The following UNK variants were observed in gnomAD, a reference collection of about 807,000 sequenced individuals.
UNK encodes the protein RING finger protein unkempt homolog.
UNK carries 32 observed loss-of-function variants against 97.6 expected under a neutral mutation model. The observed-to-expected ratio is 0.33, with a 90% CI of 0.25 to 0.44. The LOEUF is 0.44. Among genes scored for constraint, UNK ranks in the 20% least tolerant of loss-of-function variants. The pLI, the probability that UNK is intolerant of heterozygous loss-of-function variation, is 1.00. For missense variants in UNK, 771 were observed against 1,098.4 expected (o/e 0.70, Z 4.21); for synonymous variants, 441 against 461.2 (o/e 0.96, Z 0.56).
intron 1 of UNK, chr17:75,792,323 T>C: frequency 3.0e-6 from 3 of 985,434 alleles, no homozygotes; most frequent in Non-Finnish European, 3.6e-6. Flanking sequence ...CTATGGTTGA[T>C]ACTAAAGGAG....
chr17:75,801,777 T>TCA (rs2061861143), intron 1 of UNK, among the ~76,000 whole-genome samples: 1 of 151,716 alleles, frequency 6.6e-6, no homozygotes, highest in Admixed American at 6.6e-5. Context: ...ACTACTGACC[T>TCA]TGTGATCCAC....
At position 75,812,117 on chromosome 17, in the gene UNK, C is replaced by T; in HGVS notation, c.320C>T (p.Pro107Leu). Residue 107 changes from proline (P) to leucine (L), a missense_variant, in exon 3 of 16, where the codon CCA (proline) becomes CTA (leucine). By Grantham distance (98) the Pro-to-Leu change is moderately conservative. Transcript: ENST00000589666. ...CCCCCACTACCGTGTTCCAGGTGCC[C>T]ATTCCTGCACAGAACCACAGGGGAC... ...TGLCPEGDEC[P>L]FLHRTTGDTE... 1 of 1,597,344 alleles carries T rather than the reference C, an allele frequency of 6.3e-7. No individual in the cohort carries two copies. The highest frequency in any genetic ancestry group is 8.6e-7 in the Non-Finnish European group (1 of 1,169,248).
chr17:75,798,026 T>G (rs2143705518), intron 1 of UNK, among the ~76,000 whole-genome samples: 1 of 151,960 alleles, frequency 6.6e-6, no homozygotes. Context: ...GGGTGGACAT[T>G]CATGCAGACA....
rs138337015 is a variant in UNK at position 75,791,812 on chromosome 17, A to G, written c.104+6828A>G. On this transcript the variant is annotated intron_variant, in intron 1 of 15. Transcript: ENST00000589666. ...CCACAACCCATATGCATCTGCTTTG[A>G]CTGGTGGTTTCTATCATCCTACAAA... is the stretch of plus-strand genomic sequence containing the variant. 2.3e-5 allele frequency: 23 copies of G among 985,362 alleles called. No homozygotes were observed. In the East Asian group the frequency reaches 2.5e-3, roughly 107 times the overall value. The allele number at this position is 985,362 out of a possible 1,614,324, so 61.0% of individuals were successfully genotyped here. A position where few individuals can be genotyped will look rare whatever the true frequency, so the allele number is the denominator to read the frequency against.
At chr17:75,813,967 T>A (rs2143790365) in intron 6 of UNK, 89 bp downstream of exon 6, 1 of 1,188,158 alleles carries the variant, frequency 8.4e-7, no homozygotes, top group Non-Finnish European at 1.2e-6. Context: ...GAACCCATCC[T>A]GATGCCATCC....
Position 75,815,046 on chromosome 17 carries a change from G to A in UNK, c.877-123G>A, listed in dbSNP as rs534237979. 1.5e-5 allele frequency: 12 copies of A among 787,310 alleles called. No homozygotes were observed. The South Asian group carries it at 1.7e-4, about 11-fold the overall frequency. 48.8% of individuals were successfully genotyped at this position (787,310 alleles called of 1,614,324 possible). A position where few individuals can be genotyped will look rare whatever the true frequency, so the allele number is the denominator to read the frequency against. On this transcript the variant is annotated intron_variant, in intron 6 of 15. Coordinates refer to ENST00000589666, the MANE Select transcript of UNK (RefSeq NM_001080419.3). The stretch of plus-strand genomic sequence containing the variant: ...GTAGGGAGAGACATAGTGGAGGGGA[G>A]GGGAGGGGCCGGGAACACAGGGCAA...
rs2062018551 is a variant in UNK at position 75,816,673 on chromosome 17, A to C, written c.962-97A>C. On this transcript the variant is annotated intron_variant, in intron 7 of 15. Transcript: ENST00000589666. The surrounding 1 kb of genome is among the most constrained non-coding windows in gnomAD (Gnocchi z 4.0). ...TCGTAGGAACCTTCCCTTTATGTGCAGGGGGATTTGTGGTCTCCTTTGGAA... is the reference window on the plus strand; with the variant it reads ...TCGTAGGAACCTTCCCTTTATGTGCCGGGGGATTTGTGGTCTCCTTTGGAA... 7.1e-7 allele frequency: 1 copy of C among 1,418,282 alleles called. No homozygotes were observed. The highest frequency in any genetic ancestry group is 9.3e-7 in the Non-Finnish European group (1 of 1,071,374). The allele number at this position is 1,418,282 out of a possible 1,614,324, so 87.9% of individuals were successfully genotyped here.
intron 1 of UNK, among the ~76,000 whole-genome samples, chr17:75,788,465 ACTGTTCCCGTCTGC>A (rs1205130978): frequency 6.6e-6 from 1 of 152,104 alleles, no homozygotes; most frequent in Non-Finnish European, 1.5e-5. Context: ...GGCGTGAGCC[ACTGTTCCCGTCTGC>A]CTGTCAAATT....
rs113271972 is a variant in UNK at position 75,787,841 on chromosome 17, G to A, written c.104+2857G>A. On this transcript the variant is annotated intron_variant, in intron 1 of 15. Coordinates refer to ENST00000589666, the MANE Select transcript of UNK (RefSeq NM_001080419.3). ...CTCGGTCCAAAAAAAAAAAAAAAGA[G>A]AGACGTGATCTCTCTGTGTTAACCA... is the stretch of plus-strand genomic sequence containing the variant. 8.4e-3 allele frequency among the ~76,000 whole-genome samples: 1,265 copies of A among 150,466 alleles called. 15 individuals carry two copies. Among genetic ancestry groups the A allele is most frequent in the Middle Eastern group, 0.031 (9 of 290 alleles).
At chr17:75,815,059 GAACA>G in intron 6 of UNK, 106 bp from the exon 7 acceptor site, 1 of 949,090 alleles carries the variant, frequency 1.1e-6, no homozygotes, top group Non-Finnish European at 1.6e-6. Flanking sequence ...GAGGGGCCGG[GAACA>G]CAGGGCAAGA....
At position 75,817,618 on chromosome 17, in the gene UNK, G is replaced by C; in HGVS notation, c.1305+92G>C. 1.5e-6 allele frequency: 2 copies of C among 1,348,200 alleles called. No homozygotes were observed. The highest frequency in any genetic ancestry group is 5.3e-4 in the Middle Eastern group (2 of 3,786). The allele number at this position is 1,348,200 out of a possible 1,614,324, so 83.5% of individuals were successfully genotyped here. On this transcript the variant is annotated intron_variant, in intron 9 of 15. Transcript: ENST00000589666. This position sits in a 1 kb window ranked among gnomAD's most constrained non-coding sequence, Gnocchi z 5.8. ...AGTGTCTTGGTCCAGCTACGGGGAGGATGACTGGGAGCTAGGACTCCACTG... is the reference window on the plus strand; with the variant it reads ...AGTGTCTTGGTCCAGCTACGGGGAGCATGACTGGGAGCTAGGACTCCACTG...
rs778721464 is a variant in UNK at position 75,819,921 on chromosome 17, C to T, written c.1650C>T (p.Gly550=). The change falls in exon 13 of 16, where the codon GGC becomes GGT. Residue 550 remains glycine, a splice_region_variant and synonymous_variant. Coordinates refer to ENST00000589666, the MANE Select transcript of UNK (RefSeq NM_001080419.3). The surrounding 1 kb of genome is among the most constrained non-coding windows in gnomAD (Gnocchi z 5.4). The part of the protein sequence containing the change: ...TVPHPGSITI[G]GSLLQSSAPV... ...GTCCTCCCCGGGCCTCTCTTGCAGGCGGCAGCTTGCTGCAGAGCTCTGCAC... is the reference window on the plus strand; with the variant it reads ...GTCCTCCCCGGGCCTCTCTTGCAGGTGGCAGCTTGCTGCAGAGCTCTGCAC... The T allele has an allele frequency of 2.8e-5, 45 of 1,607,012 alleles. No homozygotes were observed. Among genetic ancestry groups the T allele is most frequent in the South Asian group, 2.3e-4 (21 of 90,436 alleles).
rs2143812388 is a variant in UNK, at chr17:75,818,540, A to G, written c.1372-102A>G. 2 of 1,341,050 alleles carry G rather than the reference A, an allele frequency of 1.5e-6. No homozygotes were observed. Among genetic ancestry groups the G allele is most frequent in the Non-Finnish European group, 2.0e-6 (2 of 994,074 alleles). 83.1% of individuals were successfully genotyped at this position (1,341,050 alleles called of 1,614,324 possible). Reference sequence around the variant, plus strand: ...GCATGGGGGCACCCGGACTAGAGCTAGCACGGGCCATTTCCCTTGCCCCCA... The same window carrying G: ...GCATGGGGGCACCCGGACTAGAGCTGGCACGGGCCATTTCCCTTGCCCCCA... On this transcript the variant is annotated intron_variant, in intron 10 of 15. Coordinates refer to ENST00000589666, the MANE Select transcript of UNK (RefSeq NM_001080419.3). The surrounding 1 kb of genome is among the most constrained non-coding windows in gnomAD (Gnocchi z 5.1).
chr17:75,794,408 G>T (rs1008650659), intron 1 of UNK, among the ~76,000 whole-genome samples: 2 of 152,042 alleles, frequency 1.3e-5, no homozygotes, highest in Non-Finnish European at 2.9e-5. Context: ...AGGCTGAGGC[G>T]GGTGGATTGC....
chr17:75,795,321 T>TTTG (rs542714810), intron 1 of UNK, among the ~76,000 whole-genome samples: 97 of 151,854 alleles, frequency 6.4e-4, no homozygotes, highest in East Asian at 1.4e-3. Context: ...TTGTGGGCTT[T>TTTG]TTGTTGTTGT....
In UNK at chr17:75,815,246, C is replaced by T. The variant is rs2062006735; in HGVS notation, c.954C>T (p.His318=). 3 of 1,613,064 alleles carry T rather than the reference C, an allele frequency of 1.9e-6. No individual in the cohort carries two copies. The highest frequency in any genetic ancestry group is 1.7e-5 in the Admixed American group (1 of 59,998). Residue 318 remains histidine (H), a synonymous_variant, in exon 7 of 16, where the codon CAC becomes CAT. Coordinates refer to ENST00000589666, the MANE Select transcript of UNK (RefSeq NM_001080419.3). The part of the protein sequence containing the change: ...CPRGPFCAFA[H]VEQPPLSDDL... ...GAGGACCCTTCTGCGCCTTTGCCCA[C>T]GTAGAACGTATGCTGTTCCCATTGC...
In UNK at chr17:75,813,830, C is replaced by T. The variant is rs780574317; in HGVS notation, c.828C>T (p.Asp276=). ...WGDPGKCENG[D]ACQYCHTRTE... ...ACCCTGGCAAGTGTGAGAACGGAGA[C>T]GCCTGCCAGTACTGCCACACCCGCA... is the stretch of plus-strand genomic sequence containing the variant. Residue 276 remains aspartate (D), a synonymous_variant, in exon 6 of 16, where the codon GAC becomes GAT. Coordinates refer to ENST00000589666, the MANE Select transcript of UNK (RefSeq NM_001080419.3). 1.7e-5 allele frequency: 27 copies of T among 1,594,286 alleles called. No individual in the cohort carries two copies. The highest frequency in any genetic ancestry group is 4.5e-5 in the South Asian group (4 of 88,180).
At chr17:75,823,548 G>A in intron 15 of UNK, 26 bp downstream of exon 15, 1 of 1,515,112 alleles carries the variant, frequency 6.6e-7, no homozygotes. Context: ...GGAGCACTGG[G>A]TGGGATGCAC....
rs1296642430 is a variant in UNK, at chr17:75,816,301, G to A, written c.962-469G>A. 6.6e-6 allele frequency among the ~76,000 whole-genome samples: 1 copy of A among 152,210 alleles called. No individual in the cohort carries two copies. Among genetic ancestry groups the A allele is most frequent in the Admixed American group, 6.5e-5 (1 of 15,278 alleles). ...TTCCAGGCTCAGGCCCTATCTCTGAGATGAGAATGGAAAATAAATCGAGGG... is the reference window on the plus strand; with the variant it reads ...TTCCAGGCTCAGGCCCTATCTCTGAAATGAGAATGGAAAATAAATCGAGGG... On this transcript the variant is annotated intron_variant, in intron 7 of 15. Transcript: ENST00000589666. This position sits in a 1 kb window ranked among gnomAD's most constrained non-coding sequence, Gnocchi z 4.0.
Sources: gnomAD v4.1 joint callset for allele counts (sites outside exome capture counted in the v4.1 genomes callset) on GRCh38, gnomAD v4.1.1 for gene constraint, Gnocchi (gnomAD v3.1) non-coding constraint, MANE v1.5 for transcripts, NCBI Gene and HGNC (gene_info 2026-07-23, HGNC 2026-07-21) for gene names.